Variants in CPS1 observed in about 807,000 individuals in gnomAD.
The protein encoded by CPS1 is carbamoyl-phosphate synthase [ammonia], mitochondrial.
Under a neutral mutation model 174.6 loss-of-function variants are expected in CPS1, and 109 were observed. That is an observed-to-expected ratio of 0.62 (90% CI 0.53 to 0.73). The LOEUF (loss-of-function observed/expected upper bound fraction) is 0.73. Ranked by LOEUF, CPS1 falls within the 30% of genes least tolerant of loss-of-function variation. The pLI is 0.00. For missense variants in CPS1, 1,689 were observed against 1,821.9 expected, an observed-to-expected ratio of 0.93 and a Z score of 1.33; for synonymous variants, 637 against 632.0, an observed-to-expected ratio of 1.01 and a Z score of -0.12.
intron 1 of CPS1, among the ~76,000 whole-genome samples, chr2:210,513,679 C>G (rs529912739): frequency 6.6e-6 from 1 of 151,914 alleles, no homozygotes; most frequent in African/African-American, 2.4e-5. Flanking sequence ...TGCTGTGCAG[C>G]TCTTTAGTTT....
At chr2:210,607,299 A>G (rs578203910) in intron 18 of CPS1, among the ~76,000 whole-genome samples, 4 of 152,060 alleles carry the variant, frequency 2.6e-5, no homozygotes, top group South Asian at 2.1e-4. Context: ...GTATAGCCCT[A>G]TAGCAAATAG....
At chr2:210,602,429 C>G (rs1340529737) in intron 16 of CPS1, 99 bp downstream of exon 16, 1 of 1,421,244 alleles carries the variant, frequency 7.0e-7, no homozygotes, top group African/African-American at 1.4e-5. Context: ...ATTACATTTT[C>G]TTTATTAAAT....
chr2:210,571,021 T>A (rs144822230), intron 1 of CPS1, among the ~76,000 whole-genome samples: 26 of 152,064 alleles, frequency 1.7e-4, no homozygotes, highest in African/African-American at 4.6e-4. Flanking sequence ...AAATTTAGAA[T>A]CAGAATAGCA....
intron 29 of CPS1, among the ~76,000 whole-genome samples, chr2:210,655,792 C>G (rs1003527701): frequency 1.3e-5 from 2 of 152,146 alleles, no homozygotes; most frequent in Non-Finnish European, 2.9e-5. Context: ...AAGCAAATCT[C>G]TTATGTAATT....
chr2:210,622,675 G>T (rs775047694), intron 21 of CPS1, among the ~76,000 whole-genome samples: 2 of 149,244 alleles, frequency 1.3e-5, no homozygotes, highest in African/African-American at 4.9e-5. Flanking sequence ...TTGTGAGAAA[G>T]AACTATTTCA....
At chr2:210,565,660 CATG>C (rs1019306324) in intron 1 of CPS1, among the ~76,000 whole-genome samples, 1 of 152,078 alleles carries the variant, frequency 6.6e-6, no homozygotes, top group Non-Finnish European at 1.5e-5. Context: ...CTCATAAAAA[CATG>C]AGATTTTTAG....
chr2:210,671,398 T>G (rs1007328434), intron 34 of CPS1, among the ~76,000 whole-genome samples: 1 of 152,236 alleles, frequency 6.6e-6, no homozygotes, highest in African/African-American at 2.4e-5. Flanking sequence ...TCACATAGTA[T>G]TAACTTGGCT....
At chr2:210,593,011 GGAAATTCGA>G in intron 11 of CPS1, 55 bp downstream of exon 11, 2 of 1,503,314 alleles carry the variant, frequency 1.3e-6, no homozygotes, top group Non-Finnish European at 1.9e-6. Context: ...GTATTTGTGT[GGAAATTCGA>G]GAAACCAAAA....
chr2:210,556,656 A>G lies in CPS1; in HGVS notation c.-78A>G, dbSNP rs2106036925. On this transcript the variant is annotated 5_prime_UTR_variant, in exon 1 of 38. Coordinates refer to ENST00000233072, the MANE Select transcript of CPS1 (RefSeq NM_001875.5). ...ACTGCACCCCTCCCAGATTTCTTTT[A>G]CATTAACTAAAAAGTCTTATCACAC... is the stretch of plus-strand genomic sequence containing the variant. The G allele has an allele frequency of 6.3e-7, 1 of 1,593,588 alleles. No individual in the cohort carries two copies. Among genetic ancestry groups the G allele is most frequent in the East Asian group, 2.3e-5 (1 of 44,422 alleles).
chr2:210,524,217 G>T (rs192400959), intron 1 of CPS1, among the ~76,000 whole-genome samples: 6 of 151,866 alleles, frequency 4.0e-5, no homozygotes, highest in African/African-American at 1.4e-4. Flanking sequence ...GTTTGAATCT[G>T]CCCCAGGCTT....
chr2:210,488,886 A>T (rs894896994), intron 1 of CPS1, among the ~76,000 whole-genome samples: 1 of 152,130 alleles, frequency 6.6e-6, no homozygotes, highest in Non-Finnish European at 1.5e-5. Context: ...TAAAAAAAAA[A>T]TCCTAAGTAA....
chr2:210,668,045 T>C (rs1444319803), intron 33 of CPS1, 141 bp from the exon 34 acceptor site: 8 of 662,922 alleles, frequency 1.2e-5, no homozygotes, highest in Admixed American at 2.3e-5. Context: ...AGAAGGAGTC[T>C]ATGAGTAAAG....
intron 17 of CPS1, 56 bp from the exon 18 acceptor site, chr2:210,606,675 C>T: frequency 3.9e-6 from 6 of 1,530,176 alleles, no homozygotes; most frequent in Non-Finnish European, 5.4e-6. Flanking sequence ...GGTTAAGTCG[C>T]TGAAGTTGGT....
intron 1 of CPS1, among the ~76,000 whole-genome samples, chr2:210,501,545 C>G (rs1055050888): frequency 6.6e-6 from 1 of 152,164 alleles, no homozygotes; most frequent in Non-Finnish European, 1.5e-5. Context: ...AATCATCTCT[C>G]TCAAGTTCAA....
rs1037575089 is a variant in CPS1 at position 210,487,452 on chromosome 2, T to C, written c.3+9686T>C. The stretch of plus-strand genomic sequence containing the variant: ...TCCATAATTTGTAAAAGAAGTGGCT[T>C]AGGCGGCTGTCTTGTGGGTTGGAAC... On this transcript the variant is annotated intron_variant, in intron 1 of 38. Transcript: ENST00000430249. Among the ~76,000 whole-genome samples, 10 of 152,252 alleles carry C rather than the reference T, an allele frequency of 6.6e-5. 1 individual carries two copies. The highest frequency in any genetic ancestry group is 3.3e-4 in the Admixed American group (5 of 15,284).
intron 19 of CPS1, among the ~76,000 whole-genome samples, chr2:210,610,790 AC>A (rs1407408094): frequency 6.6e-6 from 1 of 151,760 alleles, no homozygotes; most frequent in Non-Finnish European, 1.5e-5. Flanking sequence ...ATTGAAAAGC[AC>A]AATTTTTGAG....
At chr2:210,549,541 A>G (rs1172065870) in intron 1 of CPS1, among the ~76,000 whole-genome samples, 1 of 152,040 alleles carries the variant, frequency 6.6e-6, no homozygotes, top group Admixed American at 6.6e-5. Flanking sequence ...TTGTTCCATC[A>G]TTTACACAAT....
chr2:210,568,977 C>G (rs1324616399), intron 1 of CPS1, among the ~76,000 whole-genome samples: 1 of 151,682 alleles, frequency 6.6e-6, no homozygotes, highest in Non-Finnish European at 1.5e-5. Context: ...TCTACTATAA[C>G]TTTTCCTCTC....
chr2:210,571,953 A>G (rs1357914038), intron 1 of CPS1, among the ~76,000 whole-genome samples: 1 of 151,092 alleles, frequency 6.6e-6, no homozygotes, highest in African/African-American at 2.4e-5. Context: ...ATTTAAAAGG[A>G]TTAGGCACTT....
Sources: allele counts gnomAD v4.1 joint callset (sites outside exome capture counted in the v4.1 genomes callset), GRCh38; gene constraint gnomAD v4.1.1; transcripts MANE v1.5; gene names NCBI Gene and HGNC (gene_info 2026-07-23, HGNC 2026-07-21).